Variants in GNAO1 observed in about 807,000 individuals in gnomAD.
The protein encoded by GNAO1 is guanine nucleotide-binding protein G(o) subunit alpha.
For missense variants in GNAO1, 166 were observed against 478.7 expected (o/e 0.35, Z 6.10); for synonymous variants, 164 against 180.7 (o/e 0.91, Z 0.74).
chr16:56,201,227 A>G (rs2036279293), intron 2 of GNAO1, among the ~76,000 whole-genome samples: 1 of 152,238 alleles, frequency 6.6e-6, no homozygotes, highest in Admixed American at 6.5e-5. Flanking sequence ...AAGACAGCCA[A>G]GAGACAATGG....
chr16:56,347,952 G>A (rs1240471733), intron 6 of GNAO1: 18 of 903,668 alleles, frequency 2.0e-5, no homozygotes, highest in South Asian at 1.6e-4. Context: ...TCCTCCCCAC[G>A]CACCCCCCTC....
At chr16:56,217,719 A>C (rs2143352794) in intron 2 of GNAO1, among the ~76,000 whole-genome samples, 1 of 152,308 alleles carries the variant, frequency 6.6e-6, no homozygotes, top group South Asian at 2.1e-4. Context: ...CAGATGGGAA[A>C]ACTAAAACTA....
chr16:56,220,812 A>G (rs550788984), intron 2 of GNAO1, among the ~76,000 whole-genome samples: 9 of 152,020 alleles, frequency 5.9e-5, no homozygotes, highest in African/African-American at 1.9e-4. Flanking sequence ...CAGTGGCACA[A>G]TCTTGGCTCA....
At chr16:56,337,938 A>G (rs190987743) in intron 6 of GNAO1, among the ~76,000 whole-genome samples, 50 of 152,234 alleles carry the variant, frequency 3.3e-4, no homozygotes, top group African/African-American at 1.2e-3. Context: ...AACACATGCA[A>G]ATCCCCCACC....
intron 6 of GNAO1, chr16:56,345,483 A>G (rs1038382212): frequency 4.1e-5 from 40 of 985,306 alleles, no homozygotes; most frequent in Middle Eastern, 1.0e-3. Context: ...GACTTGTTGG[A>G]CCCACAGGCA....
chr16:56,232,164 T>A (rs1354837550), intron 2 of GNAO1, among the ~76,000 whole-genome samples: 1 of 152,138 alleles, frequency 6.6e-6, no homozygotes, highest in Admixed American at 6.5e-5. Context: ...TGATGCATCC[T>A]CCCTCCTGCA....
chr16:56,241,147 C>G (rs1183034175), intron 2 of GNAO1, among the ~76,000 whole-genome samples: 4 of 152,248 alleles, frequency 2.6e-5, no homozygotes, highest in African/African-American at 7.2e-5. Context: ...ACAGGCCTTA[C>G]AGCGCTCTGA....
chr16:56,232,709 G>C (rs2036601499), intron 2 of GNAO1, among the ~76,000 whole-genome samples: 1 of 152,096 alleles, frequency 6.6e-6, no homozygotes. Context: ...ATTTTATACA[G>C]TTATGGCTTT....
intron 6 of GNAO1, chr16:56,345,892 G>T (rs1437832233): frequency 4.1e-6 from 4 of 985,378 alleles, no homozygotes; most frequent in Non-Finnish European, 3.6e-6. Context: ...CACCTCTAAG[G>T]CCATCACCCT....
intron 7 of GNAO1, chr16:56,352,983 G>A (rs906439654): frequency 1.3e-5 from 2 of 152,396 alleles, no homozygotes; most frequent in Non-Finnish European, 2.9e-5. Context: ...TGACTGGAAG[G>A]ACAGCTGCTT....
chr16:56,346,132 T>C, intron 6 of GNAO1: 1 of 985,520 alleles, frequency 1.0e-6, no homozygotes, highest in Non-Finnish European at 1.2e-6. Flanking sequence ...CTGCTCTCAA[T>C]CCTCCCACCC....
At chr16:56,193,963 A>G (rs1456844061) in intron 2 of GNAO1, 3 of 367,976 alleles carry the variant, frequency 8.2e-6, no homozygotes, top group East Asian at 7.3e-5. Flanking sequence ...TAGGGAAACA[A>G]TGGAAAATAA....
intron 6 of GNAO1, among the ~76,000 whole-genome samples, chr16:56,349,877 G>C (rs1186206241): frequency 1.3e-5 from 2 of 152,180 alleles, no homozygotes; most frequent in African/African-American, 4.8e-5. Context: ...GCCGTAAGAC[G>C]CACGGAGCCC....
chr16:56,306,373 G>A (rs1049129144), intron 3 of GNAO1, among the ~76,000 whole-genome samples: 8 of 152,204 alleles, frequency 5.3e-5, no homozygotes, highest in African/African-American at 1.9e-4. Flanking sequence ...TGGCCAGGGC[G>A]CAGGAGAGCT....
chr16:56,281,915 T>C lies in GNAO1; in HGVS notation c.303+5843T>C, dbSNP rs2037118446. 2.0e-5 allele frequency among the ~76,000 whole-genome samples: 3 copies of C among 152,272 alleles called. No homozygotes were observed. The South Asian group carries it at 6.2e-4, about 31-fold the overall frequency. ...ACACACATGTGTCTATATAAACATA[T>C]GTAAAATATACGTGTGTATGTATGT... On this transcript the variant is annotated intron_variant, in intron 3 of 8. Transcript: ENST00000262493.
chr16:56,270,341 A>T (rs969374935), intron 2 of GNAO1: 2 of 152,230 alleles, frequency 1.3e-5, no homozygotes, highest in Admixed American at 6.6e-5. Flanking sequence ...TTGGGTGGAC[A>T]TGAATTCAGA....
rs7187483 is a variant in GNAO1 at position 56,323,637 on chromosome 16, A to G, written c.304-4994A>G. Among the ~76,000 whole-genome samples, 472 of 149,858 alleles carry G rather than the reference A, an allele frequency of 3.1e-3. 5 individuals are homozygous for G. The highest frequency in any genetic ancestry group is 0.011 in the African/African-American group (442 of 40,450). On this transcript the variant is annotated intron_variant, in intron 3 of 8. Coordinates refer to ENST00000262493, the MANE Select transcript of GNAO1 (RefSeq NM_020988.3). ...CCTTTCTTTGTGCAGAATTTGTCACATGGTCACAACTAGCTGTAAGCAAAA... is the reference window on the plus strand; with the variant it reads ...CCTTTCTTTGTGCAGAATTTGTCACGTGGTCACAACTAGCTGTAAGCAAAA...
chr16:56,229,467 C>G (rs1376819301), intron 2 of GNAO1, among the ~76,000 whole-genome samples: 1 of 152,180 alleles, frequency 6.6e-6, no homozygotes, highest in Non-Finnish European at 1.5e-5. Context: ...CTTGGCCTCC[C>G]AAAGTGCTGG....
chr16:56,345,251 C>CAGTCG (rs1467670339), intron 6 of GNAO1: 14 of 985,432 alleles, frequency 1.4e-5, no homozygotes, highest in Non-Finnish European at 1.6e-5. Context: ...ACACCCAGGC[C>CAGTCG]AGTCGTGTGC....
Sources: gnomAD v4.1 joint callset for allele counts (sites outside exome capture counted in the v4.1 genomes callset) on GRCh38, gnomAD v4.1.1 for gene constraint, MANE v1.5 for transcripts, NCBI Gene and HGNC (gene_info 2026-07-23, HGNC 2026-07-21) for gene names.